The following PTPN20 variants were observed in gnomAD, a reference collection of about 807,000 sequenced individuals.
PTPN20 encodes tyrosine-protein phosphatase non-receptor type 20.
Under a neutral mutation model 35.0 loss-of-function variants are expected in PTPN20, and 9 were observed. The ratio of observed to expected loss-of-function variants is 0.26; its 90% CI spans 0.15 to 0.45. The LOEUF (loss-of-function observed/expected upper bound fraction) is 0.45. Among genes scored for constraint, PTPN20 ranks in the 20% least tolerant of loss-of-function variants. The probability of loss-of-function intolerance (pLI) is 1.00; values close to 1 mark genes in which losing one functional copy is unlikely to be tolerated. For missense variants in PTPN20, 111 were observed against 312.5 expected (o/e 0.36, Z 4.86); for synonymous variants, 32 against 100.2 (o/e 0.32, Z 4.06).
intron 5 of PTPN20, among the ~76,000 whole-genome samples, chr10:46,947,482 TTTAA>T (rs1430479557): frequency 5.1e-4 from 77 of 150,044 alleles, no homozygotes; most frequent in Non-Finnish European, 9.5e-4. Flanking sequence ...AGACATAATT[TTTAA>T]TTAATTAAAA....
chr10:46,992,820 A>G (rs2058247780), intron 9 of PTPN20, among the ~76,000 whole-genome samples: 2 of 152,228 alleles, frequency 1.3e-5, no homozygotes, highest in Non-Finnish European at 2.9e-5. Flanking sequence ...AAGTTCTTGC[A>G]TTAAATCTTT....
intron 9 of PTPN20, among the ~76,000 whole-genome samples, chr10:46,999,104 T>G (rs9794217): frequency 3.3e-5 from 5 of 152,026 alleles, no homozygotes; most frequent in Non-Finnish European, 5.9e-5. Flanking sequence ...TCTAAAAAAC[T>G]AAAAGTTTTT....
At chr10:46,947,212 G>GTATATA (rs1163672605) in intron 5 of PTPN20, among the ~76,000 whole-genome samples, 34 of 129,780 alleles carry the variant, frequency 2.6e-4, no homozygotes, top group East Asian at 1.1e-3. Context: ...ATGTGTATGT[G>GTATATA]TATATATATA....
chr10:46,936,022 G>T (rs1241661881), intron 2 of PTPN20, among the ~76,000 whole-genome samples: 1 of 151,988 alleles, frequency 6.6e-6, no homozygotes, highest in Non-Finnish European at 1.5e-5. Context: ...GTATCTCATT[G>T]TGGTTTTCAT....
chr10:46,999,469 G>A (rs1404984029), intron 9 of PTPN20, among the ~76,000 whole-genome samples: 2 of 152,198 alleles, frequency 1.3e-5, no homozygotes, highest in Non-Finnish European at 2.9e-5. Context: ...ACACCCAGCT[G>A]TACTGGTGTC....
intron 1 of PTPN20, among the ~76,000 whole-genome samples, chr10:46,927,341 T>C (rs1488967273): frequency 3.6e-5 from 5 of 137,078 alleles, no homozygotes; most frequent in African/African-American, 1.4e-4. Flanking sequence ...AAAAACAACT[T>C]TCTGAAACAC....
chr10:46,995,317 G>A (rs1332280799), intron 9 of PTPN20, among the ~76,000 whole-genome samples: 1 of 135,088 alleles, frequency 7.4e-6, no homozygotes, highest in Non-Finnish European at 1.6e-5. Flanking sequence ...TAATTTACCT[G>A]TCGAATTTTT....
rs556693011 is a variant in PTPN20, at chr10:46,959,572, A to AT, written c.341-5405dup. 5.2e-4 allele frequency among the ~76,000 whole-genome samples: 72 copies of AT among 137,412 alleles called. 1 individual carries two copies. Among genetic ancestry groups the AT allele is most frequent in the Admixed American group, 2.4e-3 (34 of 13,902 alleles). The allele number at this position is 137,412 out of a possible 152,430, so 90.1% of individuals were successfully genotyped here. On this transcript the variant is annotated intron_variant, in intron 5 of 10. Coordinates refer to ENST00000374339, the MANE Select transcript of PTPN20 (RefSeq NM_001042357.5). Reference sequence around the variant, plus strand: ...ATTTCTTGTAGCTTTTTTGTTCCTCATTTTTTTTTGCCTTACTGTCTCCTT... The same window carrying AT: ...ATTTCTTGTAGCTTTTTTGTTCCTCATTTTTTTTTTGCCTTACTGTCTCCTT...
intron 9 of PTPN20, among the ~76,000 whole-genome samples, chr10:46,992,858 A>C (rs1402450330): frequency 6.6e-6 from 1 of 152,164 alleles, no homozygotes; most frequent in African/African-American, 2.4e-5. Context: ...GTGTTCTTTT[A>C]TCTTGTTGAA....
intron 8 of PTPN20, among the ~76,000 whole-genome samples, chr10:46,985,247 C>T (rs1319720713): frequency 6.6e-6 from 1 of 150,724 alleles, no homozygotes; most frequent in Non-Finnish European, 1.5e-5. Flanking sequence ...TGTGAAATGT[C>T]TTAAATTTCA....
rs2031875595 is a variant in PTPN20 at position 46,911,466 on chromosome 10, T to G, written c.-159T>G. The stretch of plus-strand genomic sequence containing the variant: ...ACCCAACTGGCGAGGCTGCTGGGGT[T>G]GCAGCGGGACAGTTGGGGCGGCCCC... On this transcript the variant is annotated 5_prime_UTR_variant, in exon 1 of 11. Coordinates refer to ENST00000374339, the MANE Select transcript of PTPN20 (RefSeq NM_001042357.5). 2 of 295,854 alleles carry G rather than the reference T, an allele frequency of 6.8e-6. No homozygotes were observed. Among genetic ancestry groups the G allele is most frequent in the South Asian group, 5.5e-5 (2 of 36,412 alleles). 18.3% of individuals were successfully genotyped at this position (295,854 alleles called of 1,614,324 possible).
chr10:46,953,676 TC>T (rs1425010263), intron 5 of PTPN20, among the ~76,000 whole-genome samples: 43 of 140,316 alleles, frequency 3.1e-4, no homozygotes, highest in Non-Finnish European at 4.9e-4. Flanking sequence ...ATATAGTTTT[TC>T]TTTTTTTTGC....
At chr10:46,951,482 A>G (rs2046647766) in intron 5 of PTPN20, among the ~76,000 whole-genome samples, 1 of 152,240 alleles carries the variant, frequency 6.6e-6, no homozygotes, top group South Asian at 2.1e-4. Context: ...GGAGACTTTC[A>G]TGAACATTCT....
intron 9 of PTPN20, among the ~76,000 whole-genome samples, chr10:46,993,926 T>C (rs1222901265): frequency 6.6e-6 from 1 of 152,162 alleles, no homozygotes; most frequent in Non-Finnish European, 1.5e-5. Flanking sequence ...GTGTATGTGG[T>C]TTTTTGTATT....
In PTPN20 at chr10:46,988,309, G is replaced by A. The variant is rs1325447627; in HGVS notation, c.1134+754G>A. Among the ~76,000 whole-genome samples, 6 of 113,496 alleles carry A rather than the reference G, an allele frequency of 5.3e-5. No individual in the cohort carries two copies. The South Asian group carries it at 1.9e-3, about 36-fold the overall frequency. The allele number at this position is 113,496 out of a possible 152,430, so 74.5% of individuals were successfully genotyped here. A position where few individuals can be genotyped will look rare whatever the true frequency, so the allele number is the denominator to read the frequency against. On this transcript the variant is annotated intron_variant, in intron 9 of 10. Transcript: ENST00000374339. Reference sequence around the variant, plus strand: ...TACAGAGAGTGGTATTTAGATATATGTATACAATGTGTAGTGATCAGATCA... The same window carrying A: ...TACAGAGAGTGGTATTTAGATATATATATACAATGTGTAGTGATCAGATCA...
chr10:46,933,308 TTGTGTGTA>T (rs1555121767), intron 2 of PTPN20, among the ~76,000 whole-genome samples: 2 of 151,182 alleles, frequency 1.3e-5, no homozygotes, highest in Non-Finnish European at 2.9e-5. Context: ...TTTTCTTTCT[TTGTGTGTA>T]TGTGTGTATT....
At chr10:46,964,468 A>G (rs786633) in intron 5 of PTPN20, among the ~76,000 whole-genome samples, 8,602 of 94,538 alleles carry the variant, frequency 0.091, 1,135 homozygotes, top group East Asian at 0.38. Flanking sequence ...CCATTATTCC[A>G]TCTTATTAAT....
chr10:46,958,892 G>T (rs1167584723), intron 5 of PTPN20, among the ~76,000 whole-genome samples: 1 of 151,798 alleles, frequency 6.6e-6, no homozygotes, highest in African/African-American at 2.4e-5. Flanking sequence ...ATTTTGAGAA[G>T]ATACTCTTTG....
chr10:46,994,136 T>C (rs1244589008), intron 9 of PTPN20, among the ~76,000 whole-genome samples: 1 of 152,044 alleles, frequency 6.6e-6, no homozygotes, highest in Non-Finnish European at 1.5e-5. Flanking sequence ...CACTTCCTCC[T>C]GGCCTATATG....
Sources: gnomAD v4.1 joint callset for allele counts (sites outside exome capture counted in the v4.1 genomes callset) on GRCh38, gnomAD v4.1.1 for gene constraint, MANE v1.5 for transcripts, NCBI Gene and HGNC (gene_info 2026-07-23, HGNC 2026-07-21) for gene names.